BIRC6: variants seen among roughly 807,000 people sequenced by gnomAD.
The protein encoded by BIRC6 is baculoviral IAP repeat containing 6.
In BIRC6, 98 loss-of-function variants were observed where a neutral mutation model predicts 503.3. That is an observed-to-expected ratio of 0.19 (90% confidence interval 0.17 to 0.23). The LOEUF is 0.23. BIRC6 is among the 10% of genes least tolerant of loss of function. The pLI is 1.00. For synonymous variants in BIRC6, 2,240 were observed against 2,078.7 expected, an observed-to-expected ratio of 1.08 and a Z score of -2.11; for missense variants, 5,360 against 5,806.0, an observed-to-expected ratio of 0.92 and a Z score of 2.50.
intron 70 of BIRC6, among the ~76,000 whole-genome samples, chr2:32,602,314 T>G (rs2062116004): frequency 6.6e-6 from 1 of 152,204 alleles, no homozygotes; most frequent in Non-Finnish European, 1.5e-5. Context: ...GACATTATGT[T>G]AAGTGAAATA....
chr2:32,589,596 A>G (rs75647030), intron 66 of BIRC6, among the ~76,000 whole-genome samples: 2 of 152,200 alleles, frequency 1.3e-5, no homozygotes, highest in Non-Finnish European at 2.9e-5. Flanking sequence ...GCCAGATAGC[A>G]TTTGTTATAC....
In BIRC6 at chr2:32,467,548, G is replaced by A; in HGVS notation, c.5380G>A (p.Asp1794Asn). The A allele has an allele frequency of 4.3e-6, 7 of 1,613,824 alleles. No homozygotes were observed. Among genetic ancestry groups the A allele is most frequent in the Non-Finnish European group, 5.9e-6 (7 of 1,179,816 alleles). The change falls in exon 27 of 74, where the codon GAT (aspartate) becomes AAT (asparagine). Residue 1794 changes from aspartate (D) to asparagine (N), a missense_variant. This residue lies in a region of BIRC6 where 2,299 missense variants were observed against 2,267.2 expected (regional missense o/e 1.01). Transcript: ENST00000421745. ...AGGAGCAAGAAGATTTGTGACCTTG[G>A]ATTTTGGGAGGCCTATATTGTTGAC... ...HSGARRFVTLDFGRPILLTDV... is the reference protein window; with the variant it reads ...HSGARRFVTLNFGRPILLTDV...
intron 6 of BIRC6, among the ~76,000 whole-genome samples, chr2:32,400,399 C>T (rs1297372063): frequency 3.6e-5 from 5 of 138,676 alleles, no homozygotes; most frequent in East Asian, 4.2e-4. Context: ...AGTGCAGTGG[C>T]GCGATCTCGG....
At chr2:32,573,445 C>T (rs2150999999) in intron 65 of BIRC6, among the ~76,000 whole-genome samples, 1 of 152,268 alleles carries the variant, frequency 6.6e-6, no homozygotes, top group South Asian at 2.1e-4. Flanking sequence ...ATCCATCAGC[C>T]TCAGCCTCTC....
At chr2:32,537,023 A>G (rs1022505144) in intron 61 of BIRC6, among the ~76,000 whole-genome samples, 4 of 152,134 alleles carry the variant, frequency 2.6e-5, no homozygotes, top group African/African-American at 4.8e-5. Flanking sequence ...CTTTGAAGCA[A>G]TTGTGAATGG....
At chr2:32,384,240 T>C (rs1305627175) in intron 3 of BIRC6, among the ~76,000 whole-genome samples, 2 of 152,220 alleles carry the variant, frequency 1.3e-5, no homozygotes, top group African/African-American at 4.8e-5. Flanking sequence ...ATATGCTTCA[T>C]CTTGTAAGGT....
chr2:32,404,681 A>AT lies in BIRC6; in HGVS notation c.1419-1807dup, dbSNP rs1032099442. On this transcript the variant is annotated intron_variant, in intron 8 of 73. Coordinates refer to ENST00000421745, the MANE Select transcript of BIRC6 (RefSeq NM_016252.4). ...GTGATTTTACAAATATATATATATA[A>AT]TTTTTTTTTTTCTCTTGAAACAAGG... 6.6e-4 allele frequency among the ~76,000 whole-genome samples: 98 copies of AT among 148,250 alleles called. 1 individual carries two copies. Among genetic ancestry groups the AT allele is most frequent in the East Asian group, 5.9e-3 (30 of 5,094 alleles).
At chr2:32,572,336 T>C (rs981839054) in intron 65 of BIRC6, among the ~76,000 whole-genome samples, 2 of 152,248 alleles carry the variant, frequency 1.3e-5, no homozygotes, top group Admixed American at 6.5e-5. Flanking sequence ...TCTCCCACTA[T>C]TATTGTATTA....
chr2:32,591,067 AT>A, intron 66 of BIRC6: 1 of 752,052 alleles, frequency 1.3e-6, no homozygotes, highest in Non-Finnish European at 1.6e-6. Context: ...CTATAGTTTA[AT>A]GTCAGACAAT....
intron 16 of BIRC6, 52 bp from the exon 17 acceptor site, chr2:32,441,277 G>C: frequency 1.6e-6 from 2 of 1,275,464 alleles, no homozygotes; most frequent in South Asian, 2.9e-5. Flanking sequence ...AATGGTAAAT[G>C]ATTTTTAGTT....
At chr2:32,432,929 T>C (rs773896180) in intron 12 of BIRC6, among the ~76,000 whole-genome samples, 1 of 152,202 alleles carries the variant, frequency 6.6e-6, no homozygotes, top group Non-Finnish European at 1.5e-5. Context: ...TTAGTTTGGT[T>C]GCTGTTGTGC....
intron 73 of BIRC6, among the ~76,000 whole-genome samples, chr2:32,617,255 G>C (rs1172804633): frequency 6.6e-6 from 1 of 152,108 alleles, no homozygotes; most frequent in African/African-American, 2.4e-5. Context: ...CAAAAAATTA[G>C]CTGGTTGTGG....
chr2:32,438,835 C>T (rs1252299563), intron 15 of BIRC6, among the ~76,000 whole-genome samples: 1 of 152,176 alleles, frequency 6.6e-6, no homozygotes, highest in Non-Finnish European at 1.5e-5. Context: ...GCTGGGATTA[C>T]AGGCGTGAGC....
chr2:32,543,635 CAT>C (rs2057838078), intron 62 of BIRC6, 94 bp downstream of exon 62: 24 of 1,232,880 alleles, frequency 1.9e-5, no homozygotes, highest in Non-Finnish European at 2.5e-5. Flanking sequence ...TTATTTCCTT[CAT>C]AGTTAAGCTG....
intron 6 of BIRC6, among the ~76,000 whole-genome samples, chr2:32,400,718 G>T (rs2040516040): frequency 1.3e-5 from 2 of 152,080 alleles, no homozygotes; most frequent in African/African-American, 4.8e-5. Context: ...TGTTATGAGT[G>T]GCATTTATCG....
intron 65 of BIRC6, chr2:32,564,354 C>T (rs1179821286): frequency 1.3e-5 from 2 of 152,142 alleles, no homozygotes; most frequent in Non-Finnish European, 2.9e-5. Context: ...CTGTGTACTA[C>T]ATTTTGCTTT....
rs932273109 is a variant in BIRC6 at position 32,433,654 on chromosome 2, G to C, written c.3259G>C (p.Asp1087His). 2 of 1,556,108 alleles carry C rather than the reference G, an allele frequency of 1.3e-6. No individual in the cohort carries two copies. The highest frequency in any genetic ancestry group is 1.7e-5 in the Admixed American group (1 of 59,126). ...CCCCTTATTTGACAGCAACAGCTGG[G>C]ATGAACATGTATTTGAATTAGTACT... ...WKLQTDSNSWDEHVFELVLPK... is the reference protein window; with the variant it reads ...WKLQTDSNSWHEHVFELVLPK... The change falls in exon 13 of 74, where the codon GAT becomes CAT. Residue 1087 changes from aspartate to histidine, a missense_variant. This residue lies in a region of BIRC6 where 2,299 missense variants were observed against 2,267.2 expected (regional missense o/e 1.01). Coordinates refer to ENST00000421745, the MANE Select transcript of BIRC6 (RefSeq NM_016252.4).
intron 70 of BIRC6, 51 bp downstream of exon 70, chr2:32,599,951 G>A: frequency 6.5e-7 from 1 of 1,543,780 alleles, no homozygotes; most frequent in African/African-American, 1.4e-5. Flanking sequence ...GTATACAAAG[G>A]TTCTTTGTAA....
At chr2:32,388,113 G>C (rs983624985) in intron 3 of BIRC6, among the ~76,000 whole-genome samples, 1 of 151,984 alleles carries the variant, frequency 6.6e-6, no homozygotes, top group African/African-American at 2.4e-5. Flanking sequence ...TGGGCCAGGC[G>C]CAGTGGCTCA....
Sources: allele counts gnomAD v4.1 joint callset (sites outside exome capture counted in the v4.1 genomes callset), GRCh38; gene constraint gnomAD v4.1.1; regional missense constraint gnomAD v4.1.1; transcripts MANE v1.5; gene names NCBI Gene and HGNC (gene_info 2026-07-23, HGNC 2026-07-21).